Variants in PLEKHS1 observed in about 807,000 individuals in gnomAD.
PLEKHS1 encodes pleckstrin homology domain containing S1.
Under a neutral mutation model 51.0 loss-of-function variants are expected in PLEKHS1, and 55 were observed. That is an observed-to-expected ratio of 1.08 (90% confidence interval 0.87 to 1.35). The LOEUF (loss-of-function observed/expected upper bound fraction) is 1.35. Ranked by LOEUF, PLEKHS1 falls within the 40% of genes most tolerant of loss-of-function variation. PLEKHS1 has a pLI of 0.00. For missense variants in PLEKHS1, 398 were observed against 423.0 expected (o/e 0.94, Z 0.52); for synonymous variants, 153 against 144.8 (o/e 1.06, Z -0.41).
chr10:113,766,725 A>G lies in PLEKHS1; in HGVS notation c.224+7A>G, dbSNP rs568995573. On this transcript the variant is annotated splice_region_variant and intron_variant, in intron 4 of 11. Transcript: ENST00000361048. ...GTTCCATTGAAATTGATCAGTGTGTATCCAAGCAGGAAAACTTTTATAACA... is the reference window on the plus strand; with the variant it reads ...GTTCCATTGAAATTGATCAGTGTGTGTCCAAGCAGGAAAACTTTTATAACA... 3 of 1,573,144 alleles carry G rather than the reference A, an allele frequency of 1.9e-6. No individual in the cohort carries two copies. The highest frequency in any genetic ancestry group is 2.4e-5 in the South Asian group (2 of 84,642).
Position 113,775,859 on chromosome 10 carries a change from C to T in PLEKHS1, c.1084C>T (p.Arg362Trp), listed in dbSNP as rs118170787. The T allele has an allele frequency of 4.5e-3, 7,171 of 1,605,390 alleles. 21 individuals are homozygous for T. Among genetic ancestry groups the T allele is most frequent in the Non-Finnish European group, 5.4e-3 (6,296 of 1,174,746 alleles). ...TCTTGCTCTCACAGAAGCCACAGGA[C>T]GGATATGGTAGGTTGGAGATTTGAC... Residue 362 changes from arginine (R) to tryptophan (W), a missense_variant, in exon 11 of 12, where the codon CGG becomes TGG. Arg to Trp is a moderately radical substitution (Grantham distance 101). Coordinates refer to ENST00000361048, the Ensembl canonical transcript of PLEKHS1.
At chr10:113,781,295 C>G (rs1206814407) in exon 12 of PLEKHS1, 1 of 85,034 alleles carries the variant, frequency 1.2e-5, no homozygotes, top group African/African-American at 4.2e-5. Flanking sequence ...TCCCAAACAC[C>G]TCCTTCCCAA....
intron 11 of PLEKHS1, among the ~76,000 whole-genome samples, chr10:113,776,719 CA>C (rs1844683227): frequency 6.6e-6 from 1 of 152,052 alleles, no homozygotes; most frequent in African/African-American, 2.4e-5. Flanking sequence ...AATTAAAAAA[CA>C]AAACAAACAA....
At chr10:113,774,410 A>G (rs771769728) in intron 9 of PLEKHS1, 77 bp downstream of exon 9, 3 of 861,726 alleles carry the variant, frequency 3.5e-6, no homozygotes, top group Non-Finnish European at 5.5e-6. Context: ...GTTCATTTCA[A>G]TAGTTGATAA....
chr10:113,774,861 G>A (rs561044872), exon 10 of PLEKHS1: 12 of 1,614,114 alleles, frequency 7.4e-6, no homozygotes, highest in Admixed American at 3.3e-5. Context: ...TCTGTGGATA[G>A]CAGCAAAGAG....
intron 4 of PLEKHS1, 123 bp from the exon 5 acceptor site, chr10:113,767,222 A>G: frequency 1.5e-6 from 1 of 660,032 alleles, no homozygotes; most frequent in Non-Finnish European, 2.2e-6. Flanking sequence ...AAATTATTGG[A>G]CAATCTTGGA....
intron 5 of PLEKHS1, among the ~76,000 whole-genome samples, chr10:113,767,897 CA>C: frequency 6.6e-6 from 1 of 152,190 alleles, no homozygotes; most frequent in African/African-American, 2.4e-5. Context: ...GCTCTGTGTC[CA>C]AATTTCCCCT....
chr10:113,778,056 A>G, intron 11 of PLEKHS1: 1 of 207,762 alleles, frequency 4.8e-6, no homozygotes. Context: ...TTGTTTTTTC[A>G]AGGACTAGCT....
downstream of PLEKHS1, chr10:113,783,420 T>A (rs1170327190): frequency 6.6e-6 from 1 of 152,132 alleles, no homozygotes; most frequent in Non-Finnish European, 1.5e-5. Context: ...ATGTTTGGTG[T>A]TTGTGTGTAT....
chr10:113,758,142 T>C (rs780351517), intron 2 of PLEKHS1, among the ~76,000 whole-genome samples: 1 of 152,234 alleles, frequency 6.6e-6, no homozygotes, highest in Non-Finnish European at 1.5e-5. Flanking sequence ...CTTCTAGGAA[T>C]CATGAATATT....
intron 2 of PLEKHS1, among the ~76,000 whole-genome samples, chr10:113,758,229 G>C (rs914124791): frequency 6.6e-6 from 1 of 152,102 alleles, no homozygotes; most frequent in South Asian, 2.1e-4. Context: ...GAGGAATCAC[G>C]ATCTACAACA....
chr10:113,771,909 AT>A, intron 7 of PLEKHS1, 60 bp from the exon 8 acceptor site: 1 of 1,553,430 alleles, frequency 6.4e-7, no homozygotes, highest in Non-Finnish European at 8.7e-7. Flanking sequence ...TCTAGAATGC[AT>A]GTGATTTAAT....
rs1854058700 is a variant in PLEKHS1 at position 113,755,316 on chromosome 10, G to A, written c.28+11G>A. The A allele has an allele frequency of 6.2e-7, 1 of 1,604,922 alleles. No individual in the cohort carries two copies. Among genetic ancestry groups the A allele is most frequent in the Non-Finnish European group, 8.5e-7 (1 of 1,176,368 alleles). ...CTCAGAAGAGTCCAGGTACCCGAGGGGTATAATCGCAGAAGCAGAAATCTT... is the reference window on the plus strand; with the variant it reads ...CTCAGAAGAGTCCAGGTACCCGAGGAGTATAATCGCAGAAGCAGAAATCTT... On this transcript the variant is annotated intron_variant, in intron 2 of 11. Transcript: ENST00000361048.
rs752952606 is a variant in PLEKHS1 at position 113,771,959 on chromosome 10, C to G, written c.553-11C>G. 4 of 1,600,270 alleles carry G rather than the reference C, an allele frequency of 2.5e-6. No individual in the cohort carries two copies. In the Admixed American group the frequency reaches 7.3e-5, roughly 29 times the overall value. On this transcript the variant is annotated splice_polypyrimidine_tract_variant and intron_variant, in intron 7 of 11. Transcript: ENST00000361048. ...AAGAAAAAGCAAAGCATTTTTATCT[C>G]TTTTCTTCAGCATTTAATGGAACAA...
At chr10:113,777,153 T>C in intron 11 of PLEKHS1, 2 of 1,612,748 alleles carry the variant, frequency 1.2e-6, no homozygotes, top group Admixed American at 1.7e-5. Flanking sequence ...CCCCCACGTT[T>C]GGGATGCATA....
exon 12 of PLEKHS1, chr10:113,780,760 G>T: frequency 6.4e-7 from 1 of 1,562,500 alleles, no homozygotes. Flanking sequence ...AAAAGAGCCA[G>T]CAGAAAGGAG....
At position 113,769,778 on chromosome 10, in the gene PLEKHS1, G is replaced by A; in HGVS notation, c.436-6G>A. On this transcript the variant is annotated splice_polypyrimidine_tract_variant and splice_region_variant and intron_variant, in intron 6 of 11. Transcript: ENST00000361048. ...TGCCCTGACTGATTCCTTTTTTTGT[G>A]AGCAGGAGGAACTCTCATTGGGTAA... 1 of 1,588,582 alleles carries A rather than the reference G, an allele frequency of 6.3e-7. No individual in the cohort carries two copies. The highest frequency in any genetic ancestry group is 8.6e-7 in the Non-Finnish European group (1 of 1,157,920).
chr10:113,777,039 AC>A, intron 11 of PLEKHS1, 84 bp from the exon 12 acceptor site: 1 of 1,509,426 alleles, frequency 6.6e-7, no homozygotes, highest in South Asian at 1.2e-5. Context: ...GTGCCACGTG[AC>A]CTAGAATCAG....
chr10:113,756,819 C>T (rs1415383511), intron 2 of PLEKHS1, among the ~76,000 whole-genome samples: 3 of 151,652 alleles, frequency 2.0e-5, no homozygotes, highest in Non-Finnish European at 2.9e-5. Flanking sequence ...AAGGTGTTGC[C>T]AAATTGTGCC....
Sources: gnomAD v4.1 joint callset for allele counts (sites outside exome capture counted in the v4.1 genomes callset) on GRCh38, gnomAD v4.1.1 for gene constraint, MANE v1.5 for transcripts, NCBI Gene and HGNC (gene_info 2026-07-23, HGNC 2026-07-21) for gene names.